Variants in SERPINI1 observed in about 807,000 individuals in gnomAD.
SERPINI1 encodes the protein neuroserpin.
In SERPINI1, 19 loss-of-function variants were observed where a neutral mutation model predicts 41.1. The observed-to-expected ratio is 0.46, with a 90% CI of 0.32 to 0.68. The LOEUF (loss-of-function observed/expected upper bound fraction) is 0.68. SERPINI1 is among the 30% of genes least tolerant of loss of function. The pLI, the probability that SERPINI1 is intolerant of heterozygous loss-of-function variation, is 0.03. For synonymous variants in SERPINI1, 138 were observed against 156.6 expected (o/e 0.88, Z 0.89); for missense variants, 460 against 479.2 (o/e 0.96, Z 0.37).
chr3:167,757,556 A>G (rs528171100), intron 1 of SERPINI1, among the ~76,000 whole-genome samples: 2 of 152,268 alleles, frequency 1.3e-5, no homozygotes, highest in East Asian at 1.9e-4. Context: ...ACTATTAGAT[A>G]TAGTCATTGA....
At chr3:167,760,118 TG>T (rs1304050983) in intron 1 of SERPINI1, among the ~76,000 whole-genome samples, 15 of 152,060 alleles carry the variant, frequency 9.9e-5, no homozygotes, top group African/African-American at 2.9e-4. Flanking sequence ...TATGACTTGT[TG>T]GGGGTCATCT....
intron 1 of SERPINI1, among the ~76,000 whole-genome samples, chr3:167,743,274 A>G (rs1220782267): frequency 1.3e-5 from 2 of 152,180 alleles, no homozygotes; most frequent in East Asian, 1.9e-4. Flanking sequence ...ATCCATTTCA[A>G]AAATGTGAAA....
intron 6 of SERPINI1, among the ~76,000 whole-genome samples, chr3:167,814,759 A>G (rs1242276175): frequency 6.6e-6 from 1 of 152,120 alleles, no homozygotes; most frequent in Non-Finnish European, 1.5e-5. Flanking sequence ...TTTTTTCAGA[A>G]GAGCTTGAAT....
At chr3:167,761,227 A>C (rs967539130) in intron 1 of SERPINI1, among the ~76,000 whole-genome samples, 5 of 152,204 alleles carry the variant, frequency 3.3e-5, no homozygotes, top group African/African-American at 1.2e-4. Flanking sequence ...GAAGAACCCA[A>C]ATAAAAAGAT....
intron 1 of SERPINI1, among the ~76,000 whole-genome samples, chr3:167,777,608 C>T (rs1380454885): frequency 3.3e-5 from 5 of 152,150 alleles, no homozygotes; most frequent in Non-Finnish European, 5.9e-5. Flanking sequence ...GGAGTCTTCT[C>T]TTCTGAGTCA....
intron 1 of SERPINI1, among the ~76,000 whole-genome samples, chr3:167,736,387 A>G (rs1283099030): frequency 1.3e-5 from 2 of 152,212 alleles, no homozygotes; most frequent in African/African-American, 4.8e-5. Context: ...TAATCTATCA[A>G]AAGTATAACT....
Position 167,794,636 on chromosome 3 carries a change from C to G in SERPINI1, c.693C>G (p.Gly231=). ...TCTTTTTAGGGGAATTTAGTGATGG[C>G]TCCAATGAAGCTGGTGGTATCTACC... ...GEFYYGEFSD[G]SNEAGGIYQV... Residue 231 remains glycine, a synonymous_variant, in exon 5 of 9, where the codon GGC becomes GGG. Transcript: ENST00000446050. 6.2e-7 allele frequency: 1 copy of G among 1,613,274 alleles called. No homozygotes were observed. The highest frequency in any genetic ancestry group is 8.5e-7 in the Non-Finnish European group (1 of 1,179,662).
At chr3:167,798,927 C>A (rs917083306) in intron 5 of SERPINI1, among the ~76,000 whole-genome samples, 1 of 152,072 alleles carries the variant, frequency 6.6e-6, no homozygotes, top group Non-Finnish European at 1.5e-5. Flanking sequence ...TATCCTAAAC[C>A]TCAGCAATAT....
chr3:167,747,747 T>C (rs1369366808), intron 1 of SERPINI1, among the ~76,000 whole-genome samples: 5 of 152,176 alleles, frequency 3.3e-5, no homozygotes, highest in African/African-American at 1.2e-4. Context: ...TAAGTGAATA[T>C]AATATTTAAA....
At chr3:167,772,864 C>CTCTCTCTCTCTATATATATATA (rs1374013676) in intron 1 of SERPINI1, among the ~76,000 whole-genome samples, 1 of 24,660 alleles carries the variant, frequency 4.1e-5, no homozygotes, top group Non-Finnish European at 6.5e-5. Context: ...CTCTCTCTCT[C>CTCTCTCTCTCTATATATATATA]TATATATATA....
intron 1 of SERPINI1, among the ~76,000 whole-genome samples, chr3:167,742,116 A>C (rs1191416487): frequency 6.6e-6 from 1 of 152,110 alleles, no homozygotes; most frequent in Non-Finnish European, 1.5e-5. Flanking sequence ...AATAACTTTA[A>C]AGGTGTAAAT....
intron 1 of SERPINI1, among the ~76,000 whole-genome samples, chr3:167,757,277 T>A (rs1434194321): frequency 6.6e-6 from 1 of 152,218 alleles, no homozygotes; most frequent in African/African-American, 2.4e-5. Flanking sequence ...TGGTTGCTTA[T>A]ATCCGTGGTG....
chr3:167,750,607 T>C (rs1726012406), intron 1 of SERPINI1, among the ~76,000 whole-genome samples: 1 of 152,198 alleles, frequency 6.6e-6, no homozygotes, highest in South Asian at 2.1e-4. Context: ...CTTTTTACTG[T>C]GACCTAAGCA....
intron 1 of SERPINI1, among the ~76,000 whole-genome samples, chr3:167,744,866 T>TAC (rs1449767405): frequency 7.5e-6 from 1 of 133,314 alleles, no homozygotes; most frequent in East Asian, 2.0e-4. Context: ...TATATATATA[T>TAC]AAATATATAT....
intron 1 of SERPINI1, among the ~76,000 whole-genome samples, chr3:167,783,587 A>G (rs1048554654): frequency 1.3e-5 from 2 of 152,296 alleles, no homozygotes; most frequent in Admixed American, 1.3e-4. Context: ...TACCAAGAAG[A>G]GAGAAGGGCC....
chr3:167,736,297 C>T (rs1171239422), intron 1 of SERPINI1, among the ~76,000 whole-genome samples: 1 of 152,174 alleles, frequency 6.6e-6, no homozygotes, highest in East Asian at 1.9e-4. Flanking sequence ...GGTTATTTTG[C>T]AGTTTCCTAG....
chr3:167,789,121 G>A lies in SERPINI1; in HGVS notation c.-8G>A. 6.2e-7 allele frequency: 1 copy of A among 1,613,578 alleles called. No homozygotes were observed. Among genetic ancestry groups the A allele is most frequent in the Middle Eastern group, 1.7e-4 (1 of 5,974 alleles). On this transcript the variant is annotated 5_prime_UTR_variant, in exon 2 of 9. Coordinates refer to ENST00000446050, the MANE Select transcript of SERPINI1 (RefSeq NM_001122752.2). The stretch of plus-strand genomic sequence containing the variant: ...ATTGTTGTTTTTTAGGCTTGAAACT[G>A]TTACAATATGGCTTTCCTTGGACTC...
intron 6 of SERPINI1, among the ~76,000 whole-genome samples, chr3:167,811,742 C>T (rs149258442): frequency 7.2e-5 from 11 of 152,104 alleles, no homozygotes; most frequent in East Asian, 1.9e-4. Flanking sequence ...ATAGGCCAGG[C>T]GCAGTGACTC....
At chr3:167,745,937 T>C (rs1049131778) in intron 1 of SERPINI1, among the ~76,000 whole-genome samples, 1 of 152,156 alleles carries the variant, frequency 6.6e-6, no homozygotes, top group Non-Finnish European at 1.5e-5. Context: ...TTGAAAAGTA[T>C]CTCATGTTCA....
Sources: gnomAD v4.1 joint callset for allele counts (sites outside exome capture counted in the v4.1 genomes callset) on GRCh38, gnomAD v4.1.1 for gene constraint, MANE v1.5 for transcripts, NCBI Gene and HGNC (gene_info 2026-07-23, HGNC 2026-07-21) for gene names.